Variants in AP3B1 observed in about 807,000 individuals in gnomAD.
The protein encoded by AP3B1 is AP-3 complex subunit beta-1.
Under a neutral mutation model 132.5 loss-of-function variants are expected in AP3B1, and 61 were observed. The observed-to-expected ratio is 0.46, with a 90% confidence interval of 0.37 to 0.57. The LOEUF is 0.57. AP3B1 is among the 20% of genes least tolerant of loss of function. AP3B1 has a pLI of 0.00. For missense variants in AP3B1, 1,120 were observed against 1,289.4 expected, an observed-to-expected ratio of 0.87 and a Z score of 2.01; for synonymous variants, 388 against 438.3, an observed-to-expected ratio of 0.89 and a Z score of 1.43.
intron 21 of AP3B1, among the ~76,000 whole-genome samples, chr5:78,098,343 C>CT (rs534058970): frequency 1.1e-3 from 172 of 150,580 alleles, no homozygotes; most frequent in Non-Finnish European, 2.1e-3. Context: ...TAAAAATATA[C>CT]TTTTTTATAG....
intron 7 of AP3B1, among the ~76,000 whole-genome samples, chr5:78,201,499 T>G (rs960684470): frequency 6.6e-6 from 1 of 152,182 alleles, no homozygotes; most frequent in Non-Finnish European, 1.5e-5. Flanking sequence ...ATGCTAAAAA[T>G]GAACTACTAA....
rs1347959359 is a variant in AP3B1, at chr5:78,231,241, G to A, written c.280-3002C>T. 2.0e-5 allele frequency among the ~76,000 whole-genome samples: 3 copies of A among 152,116 alleles called. No homozygotes were observed. The East Asian group carries it at 5.8e-4, about 30-fold the overall frequency. The stretch of plus-strand genomic sequence containing the variant: ...GGCTGGAGTGCAGTGGGGCGATCTC[G>A]CGACTTACTGCAACCTCCGCCACCC... On this transcript the variant is annotated intron_variant, in intron 3 of 26. Coordinates refer to ENST00000255194, the MANE Select transcript of AP3B1 (RefSeq NM_003664.5).
chr5:78,141,095 G>A (rs779570352), intron 15 of AP3B1, 48 bp downstream of exon 15: 2 of 1,554,624 alleles, frequency 1.3e-6, no homozygotes, highest in South Asian at 2.2e-5. Flanking sequence ...TGATCAGAGT[G>A]AAGAGGAAAG....
intron 7 of AP3B1, among the ~76,000 whole-genome samples, chr5:78,209,970 C>T (rs1187633206): frequency 6.6e-6 from 1 of 152,056 alleles, no homozygotes. Context: ...ACGATAAATG[C>T]TTCATAACCA....
intron 6 of AP3B1, among the ~76,000 whole-genome samples, chr5:78,218,407 A>T (rs568276016): frequency 6.6e-6 from 1 of 152,236 alleles, no homozygotes; most frequent in South Asian, 2.1e-4. Context: ...ATTCAAATGC[A>T]GTTTTCCATT....
intron 1 of AP3B1, among the ~76,000 whole-genome samples, chr5:78,292,314 T>C (rs1749559197): frequency 6.6e-6 from 1 of 152,198 alleles, no homozygotes; most frequent in Non-Finnish European, 1.5e-5. Flanking sequence ...ACAATTCCAT[T>C]AGACTGCAGG....
intron 5 of AP3B1, 138 bp downstream of exon 5, chr5:78,227,234 A>C: frequency 2.4e-6 from 2 of 830,058 alleles, no homozygotes; most frequent in Non-Finnish European, 3.8e-6. Context: ...CAGCAGGGGG[A>C]AATACCATCA....
chr5:78,121,250 C>A (rs1288531468), intron 17 of AP3B1, among the ~76,000 whole-genome samples: 1 of 151,612 alleles, frequency 6.6e-6, no homozygotes, highest in Non-Finnish European at 1.5e-5. Context: ...AGGAAAGATC[C>A]AAAATTGACA....
Position 78,115,891 on chromosome 5 carries a change from A to G in AP3B1, c.2077+235T>C, listed in dbSNP as rs2112264694. On this transcript the variant is annotated intron_variant, in intron 18 of 26. Coordinates refer to ENST00000255194, the MANE Select transcript of AP3B1 (RefSeq NM_003664.5). ...TCAGAAAAGTATGAGTTCCTGTTTCAGCTATACCAATGTATCAGCTACTAT... is the reference window on the plus strand; with the variant it reads ...TCAGAAAAGTATGAGTTCCTGTTTCGGCTATACCAATGTATCAGCTACTAT... The G allele has an allele frequency of 2.2e-5, 11 of 496,906 alleles. 1 individual carries two copies. In the South Asian group the frequency reaches 2.2e-4, roughly 10 times the overall value. 30.8% of individuals were successfully genotyped at this position (496,906 alleles called of 1,614,324 possible).
At chr5:78,117,608 C>A (rs1055544436) in intron 17 of AP3B1, among the ~76,000 whole-genome samples, 2 of 152,086 alleles carry the variant, frequency 1.3e-5, no homozygotes, top group African/African-American at 4.8e-5. Flanking sequence ...CCACGTCCAG[C>A]CTATTTTGTT....
intron 1 of AP3B1, among the ~76,000 whole-genome samples, chr5:78,293,071 G>A (rs1235559883): frequency 6.6e-6 from 1 of 151,944 alleles, no homozygotes; most frequent in African/African-American, 2.4e-5. Context: ...TAGAGACGGG[G>A]TTTCACCATG....
intron 2 of AP3B1, among the ~76,000 whole-genome samples, chr5:78,250,834 C>G (rs956699681): frequency 4.6e-5 from 7 of 151,698 alleles, no homozygotes; most frequent in African/African-American, 1.7e-4. Flanking sequence ...GATATAATTA[C>G]CAAATTTTAA....
chr5:78,108,237 T>C (rs1751426061), intron 20 of AP3B1, among the ~76,000 whole-genome samples: 1 of 152,222 alleles, frequency 6.6e-6, no homozygotes, highest in Admixed American at 6.5e-5. Context: ...CATATTGTCA[T>C]GCTAAATTAA....
intron 21 of AP3B1, among the ~76,000 whole-genome samples, chr5:78,096,125 C>A (rs1750766087): frequency 6.6e-6 from 1 of 152,198 alleles, no homozygotes; most frequent in Non-Finnish European, 1.5e-5. Flanking sequence ...ATTCTCCTGC[C>A]TCAGCCTGCC....
intron 1 of AP3B1, among the ~76,000 whole-genome samples, chr5:78,289,674 T>C (rs1207105163): frequency 1.3e-5 from 2 of 152,190 alleles, no homozygotes; most frequent in Non-Finnish European, 2.9e-5. Flanking sequence ...ATTTTCCTGT[T>C]AGCATCTTCT....
At chr5:78,274,173 G>A (rs1001833640) in intron 1 of AP3B1, among the ~76,000 whole-genome samples, 4 of 151,012 alleles carry the variant, frequency 2.6e-5, no homozygotes, top group African/African-American at 9.7e-5. Context: ...AAACAACACA[G>A]AAATCAACAA....
chr5:78,034,344 A>C lies in AP3B1; in HGVS notation c.2894+17T>G. The C allele has an allele frequency of 6.3e-7, 1 of 1,590,074 alleles. No individual in the cohort carries two copies. Among genetic ancestry groups the C allele is most frequent in the Non-Finnish European group, 8.6e-7 (1 of 1,158,340 alleles). Reference sequence around the variant, plus strand: ...CTTTACAGGTTATATAAAAAATAGAAGAACAATTGAACTTACCACAACTGG... The same window carrying C: ...CTTTACAGGTTATATAAAAAATAGACGAACAATTGAACTTACCACAACTGG... On this transcript the variant is annotated intron_variant, in intron 24 of 26. Coordinates refer to ENST00000255194, the MANE Select transcript of AP3B1 (RefSeq NM_003664.5).
chr5:78,115,031 G>T (rs1038625326), intron 18 of AP3B1, among the ~76,000 whole-genome samples: 1 of 152,034 alleles, frequency 6.6e-6, no homozygotes, highest in African/African-American at 2.4e-5. Context: ...AACACAACAG[G>T]GTCTGCCACA....
At chr5:78,212,432 T>A (rs753916390) in intron 7 of AP3B1, among the ~76,000 whole-genome samples, 18 of 152,368 alleles carry the variant, frequency 1.2e-4, no homozygotes, top group Admixed American at 6.5e-4. Context: ...CAGGTTTTTT[T>A]AATTATAAAT....
Sources: allele counts gnomAD v4.1 joint callset (sites outside exome capture counted in the v4.1 genomes callset), GRCh38; gene constraint gnomAD v4.1.1; transcripts MANE v1.5; gene names NCBI Gene and HGNC (gene_info 2026-07-23, HGNC 2026-07-21).